Variants in FKBP4 observed in about 807,000 individuals in gnomAD.
FKBP4 encodes FKBP prolyl isomerase 4.
FKBP4 carries 28 observed loss-of-function variants against 54.1 expected under a neutral mutation model. The ratio of observed to expected loss-of-function variants is 0.52; its 90% CI spans 0.38 to 0.71. FKBP4 has a LOEUF of 0.71. Ranked by LOEUF, FKBP4 falls within the 30% of genes least tolerant of loss-of-function variation. The pLI is 0.00. For missense variants in FKBP4, 493 were observed against 574.4 expected (o/e 0.86, Z 1.45); for synonymous variants, 223 against 216.1 (o/e 1.03, Z -0.28).
chr12:2,802,384 C>T (rs1341753369), intron 9 of FKBP4, among the ~76,000 whole-genome samples: 1 of 152,102 alleles, frequency 6.6e-6, no homozygotes, highest in Non-Finnish European at 1.5e-5. Context: ...TCTGCCCACC[C>T]CTGCCTCCCA....
At chr12:2,803,040 G>A in intron 9 of FKBP4, 111 bp from the exon 10 acceptor site, 1 of 802,612 alleles carries the variant, frequency 1.2e-6, no homozygotes, top group Non-Finnish European at 2.1e-6. Context: ...TACAGGTATA[G>A]CTTTAGGACA....
At position 2,795,869 on chromosome 12, in the gene FKBP4, G is replaced by C. The variant is rs972888479; in HGVS notation, c.105+625G>C. 5 of 827,546 alleles carry C rather than the reference G, an allele frequency of 6.0e-6. No individual in the cohort carries two copies. The African/African-American group carries it at 9.2e-5, about 15-fold the overall frequency. The allele number at this position is 827,546 out of a possible 1,614,324, so 51.3% of individuals were successfully genotyped here. ...CCAGCGAGGTCCCCACTCGCCGCGC[G>C]GCGCCCCCTCCCTCGGCCCCGGGGA... is the stretch of plus-strand genomic sequence containing the variant. On this transcript the variant is annotated intron_variant, in intron 1 of 9. Transcript: ENST00000001008. The surrounding 1 kb of genome is among the most constrained non-coding windows in gnomAD (Gnocchi z 4.3).
Position 2,804,948 on chromosome 12 carries a change from C to A in FKBP4, c.*1690C>A, listed in dbSNP as rs552133150. 72 of 240,254 alleles carry A rather than the reference C, an allele frequency of 3.0e-4. No individual in the cohort carries two copies. The highest frequency in any genetic ancestry group is 1.4e-3 in the African/African-American group (61 of 43,078). The allele number at this position is 240,254 out of a possible 1,614,324, so 14.9% of individuals were successfully genotyped here. ...AAGTCCCTGTGTAACTGCTTTCTTA[C>A]TGGGCTTACCTCACATCACAGCCCT... is the stretch of plus-strand genomic sequence containing the variant. On this transcript the variant is annotated 3_prime_UTR_variant, in exon 10 of 10. Coordinates refer to ENST00000001008, the MANE Select transcript of FKBP4 (RefSeq NM_002014.4).
At chr12:2,796,690 CCT>C in intron 1 of FKBP4, 3 of 1,074,170 alleles carry the variant, frequency 2.8e-6, no homozygotes, top group Non-Finnish European at 3.4e-6. Context: ...CCAAACCAGA[CCT>C]TAGTCTGACG....
chr12:2,802,715 A>C (rs1322218268), intron 9 of FKBP4, among the ~76,000 whole-genome samples: 2 of 152,056 alleles, frequency 1.3e-5, no homozygotes, highest in Admixed American at 6.6e-5. Flanking sequence ...TAATTTGTAC[A>C]TATACAAGTG....
At chr12:2,801,574 C>T (rs1474753751) in intron 9 of FKBP4, 1 of 673,958 alleles carries the variant, frequency 1.5e-6, no homozygotes, top group Non-Finnish European at 2.6e-6. Context: ...GTTGGTTGCC[C>T]TGAGTGTAAT....
chr12:2,800,649 A>G, intron 8 of FKBP4, 72 bp downstream of exon 8: 3 of 1,458,682 alleles, frequency 2.1e-6, no homozygotes, highest in Non-Finnish European at 2.7e-6. Context: ...CATGTCTGAA[A>G]CTTCCCCTTG....
intron 1 of FKBP4, chr12:2,796,309 C>A: frequency 7.8e-7 from 1 of 1,289,228 alleles, no homozygotes; most frequent in African/African-American, 1.5e-5. Context: ...TCTCCTGTGG[C>A]ATGTGACTTC....
rs1434904001 is a variant in FKBP4 at position 2,803,227 on chromosome 12, G to A, written c.1349G>A (p.Gly450Glu). 6.3e-7 allele frequency: 1 copy of A among 1,598,894 alleles called. No homozygotes were observed. Among genetic ancestry groups the A allele is most frequent in the East Asian group, 2.3e-5 (1 of 44,024 alleles). Residue 450 changes from glycine to glutamate, a missense_variant, in exon 10 of 10, where the codon GGG becomes GAG. By Grantham distance (98) the Gly-to-Glu change is moderately conservative. Transcript: ENST00000001008. ...GAGGAGCAGAAGAGCAACACGGCAGGGAGCCAGTCTCAGGTGGAGACAGAA... is the reference window on the plus strand; with the variant it reads ...GAGGAGCAGAAGAGCAACACGGCAGAGAGCCAGTCTCAGGTGGAGACAGAA... ...MKEEQKSNTAGSQSQVETEA is the reference protein window; with the variant it reads ...MKEEQKSNTAESQSQVETEA
rs1158817584 is a variant in FKBP4 at position 2,795,855 on chromosome 12, C to T, written c.105+611C>T. 3.6e-5 allele frequency: 25 copies of T among 702,018 alleles called. No homozygotes were observed. The highest frequency in any genetic ancestry group is 2.4e-4 in the South Asian group (4 of 16,644). 43.5% of individuals were successfully genotyped at this position (702,018 alleles called of 1,614,324 possible). On this transcript the variant is annotated intron_variant, in intron 1 of 9. Transcript: ENST00000001008. This position sits in a 1 kb window ranked among gnomAD's most constrained non-coding sequence, Gnocchi z 4.3. ...GCCGACGCCGGGACCCAGCGAGGTC[C>T]CCACTCGCCGCGCGGCGCCCCCTCC...
At chr12:2,796,580 C>G in intron 1 of FKBP4, 1 of 1,179,974 alleles carries the variant, frequency 8.5e-7, no homozygotes, top group Non-Finnish European at 1.1e-6. Flanking sequence ...GTTTAAGGTC[C>G]CATGGAGAGC....
In FKBP4 at chr12:2,795,879, C is replaced by CATTAAAAA; in HGVS notation, c.105+635_105+636insATTAAAAA. ...CCCCACTCGCCGCGCGGCGCCCCCT[C>CATTAAAAA]CCTCGGCCCCGGGGAGGCCGGGCGC... On this transcript the variant is annotated intron_variant, in intron 1 of 9. Coordinates refer to ENST00000001008, the MANE Select transcript of FKBP4 (RefSeq NM_002014.4). This position sits in a 1 kb window ranked among gnomAD's most constrained non-coding sequence, Gnocchi z 4.3. The CATTAAAAA allele has an allele frequency of 1.1e-6, 1 of 906,090 alleles. No individual in the cohort carries two copies. The highest frequency in any genetic ancestry group is 4.9e-5 in the South Asian group (1 of 20,610). 56.1% of individuals were successfully genotyped at this position (906,090 alleles called of 1,614,324 possible).
At chr12:2,802,039 A>G (rs772978106) in intron 9 of FKBP4, among the ~76,000 whole-genome samples, 1 of 152,210 alleles carries the variant, frequency 6.6e-6, no homozygotes, top group Non-Finnish European at 1.5e-5. Context: ...TCCGTATTTA[A>G]AGAACTTTTA....
rs538735382 is a variant in FKBP4 at position 2,803,405 on chromosome 12, A to C, written c.*147A>C. 4.8e-6 allele frequency: 3 copies of C among 631,552 alleles called. No individual in the cohort carries two copies. In the African/African-American group the frequency reaches 5.5e-5, roughly 11 times the overall value. 39.1% of individuals were successfully genotyped at this position (631,552 alleles called of 1,614,324 possible). ...GGATGGTGGCTTTAGGGGAAGGGGG[A>C]AAGGTGTAGGCTGGGGGATTGAGGT... On this transcript the variant is annotated 3_prime_UTR_variant, in exon 10 of 10. Coordinates refer to ENST00000001008, the MANE Select transcript of FKBP4 (RefSeq NM_002014.4).
chr12:2,799,037 C>CA lies in FKBP4; in HGVS notation c.515-50dup. On this transcript the variant is annotated intron_variant, in intron 4 of 9. Coordinates refer to ENST00000001008, the MANE Select transcript of FKBP4 (RefSeq NM_002014.4). ...CAGGGAGGCTGATGGCATCCTTCCT[C>CA]AGTCACCTGCCCTCTTACAACTCTG... 3 of 1,516,250 alleles carry CA rather than the reference C, an allele frequency of 2.0e-6. No individual in the cohort carries two copies. The East Asian group carries it at 6.8e-5, about 34-fold the overall frequency. The allele number at this position is 1,516,250 out of a possible 1,614,324, so 93.9% of individuals were successfully genotyped here. A position where few individuals can be genotyped will look rare whatever the true frequency, so the allele number is the denominator to read the frequency against.
In FKBP4 at chr12:2,803,527, T is replaced by C; in HGVS notation, c.*269T>C. ...TATATTCATCAGAATGTTAATTTAT[T>C]TTGCTCCCTCTGTTAGGTCCATTTT... On this transcript the variant is annotated 3_prime_UTR_variant, in exon 10 of 10. Transcript: ENST00000001008. 2.6e-6 allele frequency: 1 copy of C among 377,590 alleles called. No individual in the cohort carries two copies. Among genetic ancestry groups the C allele is most frequent in the Non-Finnish European group, 5.0e-6 (1 of 201,742 alleles). The allele number at this position is 377,590 out of a possible 1,614,324, so 23.4% of individuals were successfully genotyped here.
chr12:2,803,300 A>G lies in FKBP4; in HGVS notation c.*42A>G. The G allele has an allele frequency of 7.3e-7, 1 of 1,367,854 alleles. No homozygotes were observed. Among genetic ancestry groups the G allele is most frequent in the African/African-American group, 1.4e-5 (1 of 69,738 alleles). The allele number at this position is 1,367,854 out of a possible 1,614,324, so 84.7% of individuals were successfully genotyped here. ...CTACTCCTGCGGCTGCCTGCCCCCC[A>G]GTCTCCCCACTCCACCCTGTTAGTT... On this transcript the variant is annotated 3_prime_UTR_variant, in exon 10 of 10. Coordinates refer to ENST00000001008, the MANE Select transcript of FKBP4 (RefSeq NM_002014.4).
At chr12:2,796,208 G>A (rs916606492) in intron 1 of FKBP4, 1 of 1,288,190 alleles carries the variant, frequency 7.8e-7, no homozygotes, top group Non-Finnish European at 1.0e-6. Context: ...CCGCGTGTGC[G>A]GCACCCACCT....
chr12:2,800,334 A>C (rs1173001022), intron 7 of FKBP4, 58 bp from the exon 8 acceptor site: 5 of 1,547,666 alleles, frequency 3.2e-6, no homozygotes, highest in Non-Finnish European at 4.4e-6. Flanking sequence ...TCTGCAGGGT[A>C]TAAGAGCCTA....
Sources: allele counts gnomAD v4.1 joint callset (sites outside exome capture counted in the v4.1 genomes callset), GRCh38; gene constraint gnomAD v4.1.1; non-coding constraint Gnocchi (gnomAD v3.1); transcripts MANE v1.5; gene names NCBI Gene and HGNC (gene_info 2026-07-23, HGNC 2026-07-21).